The following DNM3 variants were observed in gnomAD, a reference collection of about 807,000 sequenced individuals.
DNM3 encodes the protein dynamin 3, also known as dynamin-3.
A neutral mutation model predicts 101.6 loss-of-function variants in DNM3; 47 were observed. The ratio of observed to expected loss-of-function variants is 0.46; its 90% CI spans 0.37 to 0.59. The LOEUF is 0.59. Ranked by LOEUF, DNM3 falls within the 20% of genes least tolerant of loss-of-function variation. The pLI is 0.00. For missense variants in DNM3, 849 were observed against 1,085.7 expected (o/e 0.78, Z 3.06); for synonymous variants, 385 against 387.9 (o/e 0.99, Z 0.09).
intron 20 of DNM3, among the ~76,000 whole-genome samples, chr1:172,401,144 C>T (rs2070455840): frequency 6.6e-6 from 1 of 152,226 alleles, no homozygotes; most frequent in African/African-American, 2.4e-5. Context: ...AATGAATTGA[C>T]TTGCAAGCCT....
rs1433699541 is a variant in DNM3, at chr1:172,048,649, A to T, written c.1234A>T (p.Ile412Leu). The change falls in exon 10 of 21, where the codon ATA becomes TTA. Residue 412 changes from isoleucine (I) to leucine (L), a missense_variant. Physicochemically the swap from Ile to Leu is conservative, Grantham distance 5. Transcript: ENST00000627582. ...LFTPDMAFEA[I>L]VKKQIVKLKG... ...TACTCCAGACATGGCATTTGAAGCGATAGTCAAGAAACAGATTGTAAAGTT... is the reference window on the plus strand; with the variant it reads ...TACTCCAGACATGGCATTTGAAGCGTTAGTCAAGAAACAGATTGTAAAGTT... 3.1e-6 allele frequency: 5 copies of T among 1,613,598 alleles called. No individual in the cohort carries two copies. Among genetic ancestry groups the T allele is most frequent in the Non-Finnish European group, 4.2e-6 (5 of 1,179,674 alleles).
chr1:172,408,232 T>G lies in DNM3; in HGVS notation c.*391T>G. On this transcript the variant is annotated 3_prime_UTR_variant, in exon 21 of 21. Coordinates refer to ENST00000627582, the MANE Select transcript of DNM3 (RefSeq NM_015569.5). ...TGGGCTTAGACCTAAGCCATACATA[T>G]TTCTTTTCCCACATTCTGTTTAGGA... The G allele has an allele frequency of 1.0e-6, 1 of 1,003,940 alleles. No homozygotes were observed. The highest frequency in any genetic ancestry group is 1.2e-6 in the Non-Finnish European group (1 of 840,920). The allele number at this position is 1,003,940 out of a possible 1,614,324, so 62.2% of individuals were successfully genotyped here.
intron 14 of DNM3, among the ~76,000 whole-genome samples, chr1:172,229,000 C>G (rs138120966): frequency 6.6e-6 from 1 of 152,262 alleles, no homozygotes; most frequent in African/African-American, 2.4e-5. Flanking sequence ...GCAAGCTGTA[C>G]CTCAGAATCC....
intron 3 of DNM3, 115 bp from the exon 4 acceptor site, chr1:171,988,830 G>T: frequency 1.2e-6 from 1 of 843,728 alleles, no homozygotes. Context: ...ACACACATGG[G>T]TTGGAGTTGT....
At chr1:172,150,287 A>T (rs2058079308) in intron 14 of DNM3, among the ~76,000 whole-genome samples, 1 of 152,154 alleles carries the variant, frequency 6.6e-6, no homozygotes, top group Admixed American at 6.6e-5. Flanking sequence ...TTGGCATATA[A>T]ATTGGTTCAT....
At chr1:171,859,758 A>G (rs1372800943) in intron 1 of DNM3, among the ~76,000 whole-genome samples, 1 of 152,190 alleles carries the variant, frequency 6.6e-6, no homozygotes, top group South Asian at 2.1e-4. Context: ...GTGATAGAAC[A>G]TGACAGAGAG....
At chr1:172,346,194 T>A (rs2148971172) in intron 17 of DNM3, among the ~76,000 whole-genome samples, 1 of 151,826 alleles carries the variant, frequency 6.6e-6, no homozygotes, top group East Asian at 1.9e-4. Context: ...GAAAGTGACT[T>A]TTGAATGGTC....
intron 20 of DNM3, among the ~76,000 whole-genome samples, chr1:172,390,150 C>T (rs1273944694): frequency 6.6e-6 from 1 of 152,160 alleles, no homozygotes; most frequent in Non-Finnish European, 1.5e-5. Context: ...ATTCAATAGA[C>T]TTGGCTTATA....
intron 14 of DNM3, among the ~76,000 whole-genome samples, chr1:172,151,302 A>T (rs1429793021): frequency 6.6e-6 from 1 of 152,224 alleles, no homozygotes; most frequent in Non-Finnish European, 1.5e-5. Context: ...TCATAGCAAT[A>T]GTTAAAGGTT....
At chr1:171,970,205 TA>T in intron 2 of DNM3, 1 of 596,916 alleles carries the variant, frequency 1.7e-6, no homozygotes, top group Non-Finnish European at 2.1e-6. Flanking sequence ...ATTTTTAAAA[TA>T]ATCCAATAAC....
chr1:172,022,360 T>A (rs909343743), intron 4 of DNM3, among the ~76,000 whole-genome samples: 1 of 152,154 alleles, frequency 6.6e-6, no homozygotes, highest in African/African-American at 2.4e-5. Flanking sequence ...GTTTTTAAGA[T>A]CTATCAATGT....
chr1:172,403,907 CTT>C (rs1260180381), intron 20 of DNM3, among the ~76,000 whole-genome samples: 1 of 152,124 alleles, frequency 6.6e-6, no homozygotes, highest in Non-Finnish European at 1.5e-5. Context: ...TTTGGAAACT[CTT>C]TGAATGGTTA....
At chr1:172,162,786 T>C (rs1558660988) in intron 14 of DNM3, among the ~76,000 whole-genome samples, 1 of 152,154 alleles carries the variant, frequency 6.6e-6, no homozygotes, top group East Asian at 1.9e-4. Context: ...TATTTTAATC[T>C]ATACTGAGAT....
chr1:172,220,754 G>T (rs555260627), intron 14 of DNM3, among the ~76,000 whole-genome samples: 2 of 152,040 alleles, frequency 1.3e-5, no homozygotes, highest in Non-Finnish European at 2.9e-5. Flanking sequence ...AGTTTTAGGG[G>T]ATATCATGTT....
chr1:172,336,565 T>A (rs2066438985), intron 17 of DNM3, among the ~76,000 whole-genome samples: 1 of 148,648 alleles, frequency 6.7e-6, no homozygotes, highest in African/African-American at 2.6e-5. Context: ...TATAAAGTTT[T>A]GATTCATGTC....
At chr1:172,126,365 A>C (rs1207723880) in intron 13 of DNM3, among the ~76,000 whole-genome samples, 1 of 152,196 alleles carries the variant, frequency 6.6e-6, no homozygotes, top group East Asian at 1.9e-4. Context: ...TTTTCCCTTC[A>C]AATTAGAAAG....
At chr1:172,100,428 C>G (rs1246161791) in intron 13 of DNM3, among the ~76,000 whole-genome samples, 5 of 152,214 alleles carry the variant, frequency 3.3e-5, no homozygotes, top group Non-Finnish European at 5.9e-5. Flanking sequence ...TCTTCAACCT[C>G]TGTATGTACA....
intron 20 of DNM3, among the ~76,000 whole-genome samples, chr1:172,396,441 C>T (rs2070008179): frequency 6.6e-6 from 1 of 152,172 alleles, no homozygotes; most frequent in South Asian, 2.1e-4. Context: ...CTTAAATGTG[C>T]AAGTTGATAT....
At chr1:171,940,452 A>G (rs1416506889) in intron 2 of DNM3, among the ~76,000 whole-genome samples, 9 of 152,176 alleles carry the variant, frequency 5.9e-5, no homozygotes, top group Non-Finnish European at 1.3e-4. Context: ...ATCTTGGCTA[A>G]TATTTAAAGA....
Sources: gnomAD v4.1 joint callset for allele counts (sites outside exome capture counted in the v4.1 genomes callset) on GRCh38, gnomAD v4.1.1 for gene constraint, MANE v1.5 for transcripts, NCBI Gene and HGNC (gene_info 2026-07-23, HGNC 2026-07-21) for gene names.